Variants in ASTN1 observed in about 807,000 individuals in gnomAD.
The protein encoded by ASTN1 is astrotactin-1.
A neutral mutation model predicts 140.7 loss-of-function variants in ASTN1; 41 were observed. That is an observed-to-expected ratio of 0.29 (90% CI 0.23 to 0.38). The LOEUF (loss-of-function observed/expected upper bound fraction) is 0.38. Ranked by LOEUF, ASTN1 falls within the 10% of genes least tolerant of loss-of-function variation. The pLI, the probability that ASTN1 is intolerant of heterozygous loss-of-function variation, is 1.00. For synonymous variants in ASTN1, 640 were observed against 652.2 expected (o/e 0.98, Z 0.29); for missense variants, 1,479 against 1,678.8 (o/e 0.88, Z 2.08).
At chr1:177,090,484 C>T (rs906295320) in intron 1 of ASTN1, among the ~76,000 whole-genome samples, 1 of 152,056 alleles carries the variant, frequency 6.6e-6, no homozygotes, top group South Asian at 2.1e-4. Flanking sequence ...GGTAGAGTGT[C>T]TAATGGATAA....
chr1:176,965,179 A>T lies in ASTN1; in HGVS notation c.1582T>A (p.Ser528Thr). The T allele has an allele frequency of 1.2e-6, 2 of 1,613,978 alleles. No homozygotes were observed. Among genetic ancestry groups the T allele is most frequent in the Non-Finnish European group, 1.7e-6 (2 of 1,179,876 alleles). Residue 528 changes from serine to threonine, a missense_variant, in exon 9 of 23, where the codon TCT becomes ACT. By Grantham distance (58) the Ser-to-Thr change is moderately conservative. Around this residue, in one of 3 missense-constraint regions of ASTN1, gnomAD observed 729 missense variants for 860.4 expected, o/e 0.85. Transcript: ENST00000361833. ...GFDLVLGEQP[S>T]DKIFRFTYTL... ...ATCACTTACCTAAATATTTTATCAG[A>T]GGGCTGCTCTCCCAAAACCAGGTCA...
chr1:176,964,547 T>C (rs1028965157), intron 9 of ASTN1, among the ~76,000 whole-genome samples: 1 of 152,188 alleles, frequency 6.6e-6, no homozygotes, highest in African/African-American at 2.4e-5. Context: ...ACTCAAATTA[T>C]TCCTCTGCTG....
At chr1:176,977,170 C>T (rs1673402244) in intron 8 of ASTN1, among the ~76,000 whole-genome samples, 1 of 152,162 alleles carries the variant, frequency 6.6e-6, no homozygotes. Context: ...AATAAAATAT[C>T]CATTAAGGAA....
chr1:177,075,332 A>T (rs560026187), intron 1 of ASTN1, among the ~76,000 whole-genome samples: 1 of 152,090 alleles, frequency 6.6e-6, no homozygotes, highest in African/African-American at 2.4e-5. Flanking sequence ...TCGGTCTCCC[A>T]AAGTGCTGGG....
intron 8 of ASTN1, among the ~76,000 whole-genome samples, chr1:177,004,134 T>C (rs1323051305): frequency 6.6e-6 from 1 of 152,066 alleles, no homozygotes; most frequent in Admixed American, 6.6e-5. Context: ...AAAGTCTAGG[T>C]TACACAATGT....
At chr1:176,898,046 T>G (rs1669600040) in intron 16 of ASTN1, among the ~76,000 whole-genome samples, 1 of 152,096 alleles carries the variant, frequency 6.6e-6, no homozygotes. Context: ...CATCGCTGGG[T>G]CCTGTCATAG....
intron 9 of ASTN1, among the ~76,000 whole-genome samples, chr1:176,960,430 C>T (rs966829395): frequency 2.6e-5 from 4 of 152,264 alleles, no homozygotes; most frequent in African/African-American, 9.6e-5. Flanking sequence ...CTGTGGTTTA[C>T]AATTTATGTA....
intron 8 of ASTN1, among the ~76,000 whole-genome samples, chr1:177,002,402 C>T (rs1489913151): frequency 6.6e-6 from 1 of 150,408 alleles, no homozygotes; most frequent in African/African-American, 2.4e-5. Flanking sequence ...CACACACACA[C>T]ACACACACAC....
At chr1:176,961,284 G>T (rs1436857169) in intron 9 of ASTN1, among the ~76,000 whole-genome samples, 1 of 152,156 alleles carries the variant, frequency 6.6e-6, no homozygotes, top group Non-Finnish European at 1.5e-5. Flanking sequence ...AGGTTAAGGT[G>T]GAAATGAATT....
chr1:176,974,617 C>T (rs1163852841), intron 8 of ASTN1, among the ~76,000 whole-genome samples: 2 of 152,066 alleles, frequency 1.3e-5, no homozygotes, highest in East Asian at 1.9e-4. Context: ...GAACTCCTGA[C>T]CTTGTGATCC....
chr1:177,123,563 AC>A (rs1486529442), intron 1 of ASTN1, among the ~76,000 whole-genome samples: 1 of 152,094 alleles, frequency 6.6e-6, no homozygotes, highest in Non-Finnish European at 1.5e-5. Flanking sequence ...CTGACTCAAC[AC>A]CCCAAAGATG....
intron 17 of ASTN1, among the ~76,000 whole-genome samples, chr1:176,889,981 G>A (rs996893932): frequency 1.5e-4 from 23 of 152,172 alleles, no homozygotes; most frequent in Non-Finnish European, 3.4e-4. Flanking sequence ...GAAAACAGAT[G>A]TCCTTTGAGA....
intron 8 of ASTN1, among the ~76,000 whole-genome samples, chr1:176,986,556 C>G (rs1346562039): frequency 6.6e-6 from 1 of 152,100 alleles, no homozygotes; most frequent in Non-Finnish European, 1.5e-5. Flanking sequence ...CTATTTTTTA[C>G]TACTCTCATA....
intron 8 of ASTN1, among the ~76,000 whole-genome samples, chr1:176,969,823 G>C (rs997302492): frequency 6.6e-6 from 1 of 152,128 alleles, no homozygotes; most frequent in African/African-American, 2.4e-5. Context: ...TTGTTTGTTT[G>C]TTTGTTTAGA....
Position 177,014,801 on chromosome 1 carries a change from T to C in ASTN1, c.1513A>G (p.Thr505Ala), listed in dbSNP as rs370655731. Residue 505 changes from threonine to alanine, a missense_variant, in exon 8 of 23, where the codon ACA (threonine) becomes GCA (alanine). Coordinates refer to ENST00000361833, the MANE Select transcript of ASTN1 (RefSeq NM_004319.3). ...KHLCIRNEWGTNQGPWPYTIF... is the reference protein window; with the variant it reads ...KHLCIRNEWGANQGPWPYTIF... ...CATGCCCTCACTTACCCCTGGTTTG[T>C]CCCCCATTCGTTCCGAATGCAAAGG... is the stretch of plus-strand genomic sequence containing the variant. 1.2e-6 allele frequency: 2 copies of C among 1,613,526 alleles called. No homozygotes were observed. Among genetic ancestry groups the C allele is most frequent in the South Asian group, 1.1e-5 (1 of 91,050 alleles).
chr1:177,009,346 G>A (rs1169440233), intron 8 of ASTN1, among the ~76,000 whole-genome samples: 1 of 152,148 alleles, frequency 6.6e-6, no homozygotes. Flanking sequence ...TGGTCTCTAA[G>A]GAACTGTTAA....
At chr1:176,951,839 T>C (rs1343498745) in intron 11 of ASTN1, among the ~76,000 whole-genome samples, 1 of 152,256 alleles carries the variant, frequency 6.6e-6, no homozygotes, top group Non-Finnish European at 1.5e-5. Context: ...ATAGTATTAA[T>C]AGCTATCAGA....
chr1:177,137,655 T>C (rs1682262996), intron 1 of ASTN1, among the ~76,000 whole-genome samples: 1 of 152,194 alleles, frequency 6.6e-6, no homozygotes, highest in South Asian at 2.1e-4. Context: ...CTGTGAAGGC[T>C]CAGCCTTGGC....
At chr1:177,145,723 A>G (rs951812873) in intron 1 of ASTN1, among the ~76,000 whole-genome samples, 4 of 152,208 alleles carry the variant, frequency 2.6e-5, no homozygotes, top group Non-Finnish European at 5.9e-5. Flanking sequence ...ACTGAATATC[A>G]GGTATCCATC....
Sources: gnomAD v4.1 joint callset for allele counts (sites outside exome capture counted in the v4.1 genomes callset) on GRCh38, gnomAD v4.1.1 for gene constraint, gnomAD v4.1.1 regional missense constraint, MANE v1.5 for transcripts, NCBI Gene and HGNC (gene_info 2026-07-23, HGNC 2026-07-21) for gene names.